Variants in FAM53B observed in about 807,000 individuals in gnomAD.
The protein encoded by FAM53B is family with sequence similarity 53 member B, also known as protein FAM53B.
Under a neutral mutation model 32.7 loss-of-function variants are expected in FAM53B, and 12 were observed. That is an observed-to-expected ratio of 0.37 (90% CI 0.24 to 0.59). The LOEUF (loss-of-function observed/expected upper bound fraction) is 0.59, where lower values mean the gene tolerates loss of function less well. Among genes scored for constraint, FAM53B ranks in the 20% least tolerant of loss-of-function variants. The pLI is 0.72. For synonymous variants in FAM53B, 234 were observed against 228.7 expected (o/e 1.02, Z -0.21); for missense variants, 477 against 577.7 (o/e 0.83, Z 1.79).
At chr10:124,632,310 C>T (rs1949396557) in intron 4 of FAM53B, among the ~76,000 whole-genome samples, 2 of 152,260 alleles carry the variant, frequency 1.3e-5, no homozygotes, top group Admixed American at 6.5e-5. Flanking sequence ...ACATTCCAGC[C>T]AGCACACACT....
intron 3 of FAM53B, among the ~76,000 whole-genome samples, chr10:124,686,558 A>AGATT (rs1203756217): frequency 6.6e-6 from 1 of 152,330 alleles, no homozygotes; most frequent in South Asian, 2.1e-4. Context: ...GCTCCTCTGA[A>AGATT]GATACACCTT....
At chr10:124,738,304 GC>G (rs1205652952) in intron 1 of FAM53B, among the ~76,000 whole-genome samples, 2 of 151,716 alleles carry the variant, frequency 1.3e-5, no homozygotes, top group African/African-American at 4.8e-5. Context: ...CTGGGTTGCT[GC>G]CCCCCTCTCC....
At chr10:124,670,990 G>T (rs1178658534) in intron 4 of FAM53B, among the ~76,000 whole-genome samples, 1 of 152,184 alleles carries the variant, frequency 6.6e-6, no homozygotes, top group Admixed American at 6.5e-5. Flanking sequence ...GAAGAACTAG[G>T]ACGGAGCTGC....
chr10:124,669,688 G>C (rs961265877), intron 4 of FAM53B, among the ~76,000 whole-genome samples: 2 of 152,352 alleles, frequency 1.3e-5, no homozygotes, highest in Non-Finnish European at 2.9e-5. Flanking sequence ...TTCACAAGTG[G>C]TGGGGAGCTC....
intron 4 of FAM53B, among the ~76,000 whole-genome samples, chr10:124,647,323 C>T (rs1452326833): frequency 6.6e-6 from 1 of 152,156 alleles, no homozygotes; most frequent in East Asian, 1.9e-4. Flanking sequence ...CTCTGAGGAG[C>T]GGCCCCAAGG....
intron 4 of FAM53B, among the ~76,000 whole-genome samples, chr10:124,626,392 C>CT (rs898273862): frequency 2.8e-5 from 4 of 141,848 alleles, no homozygotes; most frequent in Non-Finnish European, 4.7e-5. Context: ...ATTTGTGCCC[C>CT]CCCCCCCCCC....
intron 4 of FAM53B, among the ~76,000 whole-genome samples, chr10:124,646,291 C>T (rs1949513580): frequency 6.6e-6 from 1 of 152,238 alleles, no homozygotes; most frequent in Middle Eastern, 3.2e-3. Context: ...TGCTATGTGC[C>T]TTCAAGAATG....
intron 3 of FAM53B, among the ~76,000 whole-genome samples, chr10:124,688,547 C>T (rs1949815675): frequency 6.6e-6 from 1 of 152,224 alleles, no homozygotes. Flanking sequence ...TAAGCAAGGT[C>T]TCTTCCAAAG....
At chr10:124,686,771 A>T (rs1949805645) in intron 3 of FAM53B, among the ~76,000 whole-genome samples, 1 of 152,228 alleles carries the variant, frequency 6.6e-6, no homozygotes, top group East Asian at 1.9e-4. Flanking sequence ...CTGCAGATAA[A>T]AGCTACAAGA....
chr10:124,623,975 AT>A (rs1949329377), intron 4 of FAM53B: 2 of 211,020 alleles, frequency 9.5e-6, no homozygotes, highest in African/African-American at 4.6e-5. Flanking sequence ...TGATCAGGTA[AT>A]TTCACTACTT....
At chr10:124,642,044 C>T (rs1311515596) in intron 4 of FAM53B, among the ~76,000 whole-genome samples, 1 of 152,222 alleles carries the variant, frequency 6.6e-6, no homozygotes, top group Admixed American at 6.5e-5. Flanking sequence ...TGCGTGCATA[C>T]ACGTGTGCAT....
intron 4 of FAM53B, among the ~76,000 whole-genome samples, chr10:124,667,903 C>T (rs1283774956): frequency 6.6e-6 from 1 of 152,174 alleles, no homozygotes; most frequent in East Asian, 1.9e-4. Flanking sequence ...TGCTTCACTC[C>T]CACGACATGG....
intron 1 of FAM53B, among the ~76,000 whole-genome samples, chr10:124,737,826 C>G (rs923953083): frequency 4.6e-5 from 7 of 152,176 alleles, no homozygotes; most frequent in Admixed American, 4.6e-4. Context: ...TGGAACCTAA[C>G]TGCATCTTTC....
chr10:124,642,598 C>T (rs557254098), intron 4 of FAM53B, among the ~76,000 whole-genome samples: 1 of 152,356 alleles, frequency 6.6e-6, no homozygotes, highest in South Asian at 2.1e-4. Flanking sequence ...GCAGCAATGT[C>T]CCTGAGTGAA....
At chr10:124,722,142 G>A (rs774976566) in intron 1 of FAM53B, among the ~76,000 whole-genome samples, 3 of 152,150 alleles carry the variant, frequency 2.0e-5, no homozygotes, top group Non-Finnish European at 4.4e-5. Flanking sequence ...GATGACTAGA[G>A]TTAACAATAT....
chr10:124,715,795 T>C (rs1463638203), intron 1 of FAM53B, among the ~76,000 whole-genome samples: 1 of 152,236 alleles, frequency 6.6e-6, no homozygotes, highest in Non-Finnish European at 1.5e-5. Context: ...TGTAAGACGT[T>C]ACCCTTGTGC....
chr10:124,683,594 G>A (rs1240871744), intron 3 of FAM53B, among the ~76,000 whole-genome samples: 1 of 152,162 alleles, frequency 6.6e-6, no homozygotes, highest in African/African-American at 2.4e-5. Context: ...GACCAGATCA[G>A]GAGACCAAGG....
intron 1 of FAM53B, among the ~76,000 whole-genome samples, chr10:124,720,927 C>T (rs186557458): frequency 5.9e-5 from 9 of 152,274 alleles, no homozygotes; most frequent in South Asian, 4.2e-4. Flanking sequence ...GGGCCGGGTG[C>T]GGTGGCTCAC....
rs115850591 is a variant in FAM53B, at chr10:124,693,194, G to A, written c.133+2964C>T. 4.3e-3 allele frequency among the ~76,000 whole-genome samples: 660 copies of A among 151,800 alleles called. 13 individuals are homozygous for A. The highest frequency in any genetic ancestry group is 0.015 in the African/African-American group (619 of 41,374). The stretch of plus-strand genomic sequence containing the variant: ...CCCACTGTTGAAAAGCAGGCACGCC[G>A]GGCGCGGTGGCTCACGCCTGTAATC... On this transcript the variant is annotated intron_variant, in intron 3 of 4. Coordinates refer to ENST00000337318, the MANE Select transcript of FAM53B (RefSeq NM_014661.4).
Sources: allele counts gnomAD v4.1 joint callset (sites outside exome capture counted in the v4.1 genomes callset), GRCh38; gene constraint gnomAD v4.1.1; transcripts MANE v1.5; gene names NCBI Gene and HGNC (gene_info 2026-07-23, HGNC 2026-07-21).